Variants in GCNT2 observed in about 807,000 individuals in gnomAD.
The protein encoded by GCNT2 is N-acetyllactosaminide beta-1,6-N-acetylglucosaminyl-transferase.
GCNT2 carries 34 observed loss-of-function variants against 34.2 expected under a neutral mutation model. That is an observed-to-expected ratio of 1.00 (90% confidence interval 0.76 to 1.32). GCNT2 has a LOEUF of 1.32. Ranked by LOEUF, GCNT2 falls within the 40% of genes most tolerant of loss-of-function variation. GCNT2 has a pLI of 0.00. For synonymous variants in GCNT2, 212 were observed against 188.0 expected, an observed-to-expected ratio of 1.13 and a Z score of -1.04; for missense variants, 584 against 489.4, an observed-to-expected ratio of 1.19 and a Z score of -1.82.
intron 3 of GCNT2, among the ~76,000 whole-genome samples, chr6:10,582,411 AATATTTATTAT>A (rs1419094251): frequency 6.5e-5 from 8 of 123,154 alleles, no homozygotes; most frequent in African/African-American, 2.7e-4. Context: ...TAAATAGTAT[AATATTTATTAT>A]ATACTATAAT....
chr6:10,607,898 A>G (rs1765392885), intron 3 of GCNT2, among the ~76,000 whole-genome samples: 1 of 152,130 alleles, frequency 6.6e-6, no homozygotes, highest in African/African-American at 2.4e-5. Context: ...GAGAGATTAG[A>G]TAACCTGTCA....
chr6:10,557,600 A>T (rs985030225), intron 3 of GCNT2, among the ~76,000 whole-genome samples: 3 of 151,222 alleles, frequency 2.0e-5, no homozygotes, highest in Non-Finnish European at 4.4e-5. Flanking sequence ...CAATCCTCCC[A>T]CTTCAGTCTC....
chr6:10,539,464 C>T (rs946034011), intron 3 of GCNT2, among the ~76,000 whole-genome samples: 1 of 152,108 alleles, frequency 6.6e-6, no homozygotes, highest in Non-Finnish European at 1.5e-5. Flanking sequence ...GCTGGAATTA[C>T]AGACGTGAGC....
chr6:10,563,167 CAAAT>C (rs766853775), intron 3 of GCNT2, among the ~76,000 whole-genome samples: 5 of 151,804 alleles, frequency 3.3e-5, no homozygotes, highest in Non-Finnish European at 5.9e-5. Flanking sequence ...AGAAAATAAA[CAAAT>C]AAGCACATCC....
chr6:10,594,056 T>G (rs2127421091), intron 3 of GCNT2, among the ~76,000 whole-genome samples: 1 of 152,346 alleles, frequency 6.6e-6, no homozygotes, highest in South Asian at 2.1e-4. Context: ...ATGCATATAG[T>G]ACAGGGGTTC....
At chr6:10,538,551 C>G (rs537685879) in intron 3 of GCNT2, among the ~76,000 whole-genome samples, 23 of 148,034 alleles carry the variant, frequency 1.6e-4, no homozygotes, top group African/African-American at 4.5e-4. Flanking sequence ...CTCATGGCAT[C>G]TATGTTTTGT....
At chr6:10,614,715 G>T (rs1033350656) in intron 3 of GCNT2, among the ~76,000 whole-genome samples, 9 of 151,854 alleles carry the variant, frequency 5.9e-5, no homozygotes, top group African/African-American at 1.9e-4. Flanking sequence ...ACCTTAAGTT[G>T]CCATGTCCTA....
intron 3 of GCNT2, chr6:10,557,305 T>G (rs1201764522): frequency 6.2e-7 from 1 of 1,613,896 alleles, no homozygotes; most frequent in Non-Finnish European, 8.5e-7. Context: ...CTTTCAGTCC[T>G]GATGAGCATT....
intron 3 of GCNT2, 52 bp downstream of exon 3, chr6:10,529,888 TACTA>T (rs1561778986): frequency 7.3e-7 from 1 of 1,363,164 alleles, no homozygotes. Context: ...GCATGGTCAA[TACTA>T]AATAAGTTGC....
At chr6:10,543,026 G>C (rs1458411964) in intron 3 of GCNT2, among the ~76,000 whole-genome samples, 1 of 148,980 alleles carries the variant, frequency 6.7e-6, no homozygotes, top group Admixed American at 6.8e-5. Context: ...TCCTACCTCA[G>C]CCTCCCAAGT....
intron 3 of GCNT2, among the ~76,000 whole-genome samples, chr6:10,567,163 T>A (rs1763318302): frequency 1.3e-5 from 2 of 151,818 alleles, no homozygotes; most frequent in South Asian, 4.2e-4. Flanking sequence ...AACAAAAAAA[T>A]AATAAAATGA....
intron 3 of GCNT2, chr6:10,556,513 T>G: frequency 6.2e-7 from 1 of 1,614,018 alleles, no homozygotes; most frequent in Non-Finnish European, 8.5e-7. Flanking sequence ...TTGGGGGAGA[T>G]CCAAGCTTCC....
At chr6:10,566,985 G>A (rs1471571823) in intron 3 of GCNT2, among the ~76,000 whole-genome samples, 3 of 152,094 alleles carry the variant, frequency 2.0e-5, no homozygotes, top group East Asian at 1.9e-4. Context: ...CTGCTCAAAC[G>A]AACTTCTTCA....
chr6:10,590,679 G>A (rs533699364), intron 3 of GCNT2, among the ~76,000 whole-genome samples: 6 of 151,530 alleles, frequency 4.0e-5, no homozygotes, highest in African/African-American at 1.5e-4. Flanking sequence ...TCAGCCTCCC[G>A]AGTACATGGG....
chr6:10,613,153 T>A (rs1043928237), intron 3 of GCNT2, among the ~76,000 whole-genome samples: 4 of 152,170 alleles, frequency 2.6e-5, no homozygotes, highest in African/African-American at 9.7e-5. Flanking sequence ...AGGACCAAAC[T>A]GTGTAAGAAT....
Position 10,629,214 on chromosome 6 carries a change from G to A in GCNT2, c.*2607G>A, listed in dbSNP as rs941915272. 6.6e-6 allele frequency: 1 copy of A among 152,626 alleles called. No homozygotes were observed. Among genetic ancestry groups the A allele is most frequent in the Non-Finnish European group, 1.5e-5 (1 of 68,048 alleles). The allele number at this position is 152,626 out of a possible 1,614,324, so 9.5% of individuals were successfully genotyped here. On this transcript the variant is annotated 3_prime_UTR_variant, in exon 5 of 5. Coordinates refer to ENST00000495262, the MANE Select transcript of GCNT2 (RefSeq NM_145649.5). ...GTCTGTTGTTGGTCATCTCTCCTGT[G>A]TCTTAAATACTTTAATGTTGGAAGA...
At chr6:10,532,286 G>A (rs759744901) in intron 3 of GCNT2, among the ~76,000 whole-genome samples, 49 of 152,156 alleles carry the variant, frequency 3.2e-4, no homozygotes, top group Non-Finnish European at 5.4e-4. Context: ...TTTACACCCC[G>A]TGTTAGCAGT....
chr6:10,554,765 T>A (rs1286055425), intron 3 of GCNT2, among the ~76,000 whole-genome samples: 2 of 152,232 alleles, frequency 1.3e-5, no homozygotes, highest in African/African-American at 4.8e-5. Flanking sequence ...TAGACTGAAC[T>A]GCTTTCTCAT....
intron 1 of GCNT2, among the ~76,000 whole-genome samples, chr6:10,523,925 A>G (rs1439430404): frequency 1.4e-5 from 2 of 144,558 alleles, no homozygotes; most frequent in African/African-American, 2.5e-5. Context: ...GTGAGCCGAG[A>G]TCGCGCCACT....
Sources: gnomAD v4.1 joint callset for allele counts (sites outside exome capture counted in the v4.1 genomes callset) on GRCh38, gnomAD v4.1.1 for gene constraint, MANE v1.5 for transcripts, NCBI Gene and HGNC (gene_info 2026-07-23, HGNC 2026-07-21) for gene names.